The following OPCML variants were observed in gnomAD, a reference collection of about 807,000 sequenced individuals.
OPCML encodes opioid binding protein/cell adhesion molecule like.
Under a neutral mutation model 37.8 loss-of-function variants are expected in OPCML, and 13 were observed. The observed-to-expected ratio is 0.34, with a 90% CI of 0.22 to 0.55. The LOEUF is 0.55. OPCML is among the 20% of genes least tolerant of loss of function. The probability of loss-of-function intolerance (pLI) is 0.91; values close to 1 mark genes in which losing one functional copy is unlikely to be tolerated. For synonymous variants in OPCML, 176 were observed against 168.8 expected (o/e 1.04, Z -0.33); for missense variants, 341 against 435.6 (o/e 0.78, Z 1.93).
intron 1 of OPCML, among the ~76,000 whole-genome samples, chr11:133,155,614 G>A (rs536373885): frequency 1.1e-4 from 17 of 152,138 alleles, no homozygotes; most frequent in African/African-American, 3.4e-4. Context: ...TAACTATGCC[G>A]AGCAGGCTAC....
At chr11:132,848,791 T>C (rs1467286767) in intron 2 of OPCML, among the ~76,000 whole-genome samples, 1 of 152,220 alleles carries the variant, frequency 6.6e-6, no homozygotes, top group East Asian at 1.9e-4. Flanking sequence ...AGCAAATCAC[T>C]TTACTTCTCT....
At chr11:132,753,951 A>G (rs1945938186) in intron 2 of OPCML, among the ~76,000 whole-genome samples, 1 of 152,224 alleles carries the variant, frequency 6.6e-6, no homozygotes, top group Admixed American at 6.5e-5. Context: ...GCAAAGAAAG[A>G]GGCATGTTAA....
chr11:133,012,082 C>T lies in OPCML; in HGVS notation c.62-69072G>A, dbSNP rs140639110. Reference sequence around the variant, plus strand: ...TGGTTCTCTACTGGGGACAATTTTACTTAACAGGGGACATTGGGCAATGCC... The same window carrying T: ...TGGTTCTCTACTGGGGACAATTTTATTTAACAGGGGACATTGGGCAATGCC... On this transcript the variant is annotated intron_variant, in intron 1 of 7. Transcript: ENST00000524381. Among the ~76,000 whole-genome samples the T allele has an allele frequency of 3.5e-3, 539 of 152,260 alleles. 3 individuals carry two copies. Among genetic ancestry groups the T allele is most frequent in the African/African-American group, 0.012 (500 of 41,546 alleles).
At chr11:133,400,739 C>A (rs754151808) in intron 1 of OPCML, among the ~76,000 whole-genome samples, 2 of 152,212 alleles carry the variant, frequency 1.3e-5, no homozygotes, top group Non-Finnish European at 2.9e-5. Flanking sequence ...CTGTTCAATG[C>A]TCTTCCTCTT....
At chr11:133,421,040 T>C in intron 1 of OPCML, 1 of 981,580 alleles carries the variant, frequency 1.0e-6, no homozygotes, top group Non-Finnish European at 1.2e-6. Flanking sequence ...GGGTGTAGAT[T>C]TTGTCCTGAG....
chr11:133,142,623 A>G (rs904218845), intron 1 of OPCML, among the ~76,000 whole-genome samples: 3 of 152,208 alleles, frequency 2.0e-5, no homozygotes, highest in Non-Finnish European at 4.4e-5. Flanking sequence ...CTGGCAGTAC[A>G]TAGCACACAG....
Position 133,089,859 on chromosome 11 carries a change from T to A in OPCML, c.62-146849A>T, listed in dbSNP as rs188315416. Reference sequence around the variant, plus strand: ...CACTCAAAATCTGCTGTCAATGATTTAATAAACAGATGCTTATTGAGCACA... The same window carrying A: ...CACTCAAAATCTGCTGTCAATGATTAAATAAACAGATGCTTATTGAGCACA... On this transcript the variant is annotated intron_variant, in intron 1 of 7. Coordinates refer to ENST00000524381, the MANE Select transcript of OPCML (RefSeq NM_001012393.5). Among the ~76,000 whole-genome samples the A allele has an allele frequency of 3.2e-3, 485 of 152,332 alleles. 1 individual carries two copies. Among genetic ancestry groups the A allele is most frequent in the South Asian group, 6.6e-3 (32 of 4,826 alleles).
At chr11:132,685,479 C>T (rs1339823409) in intron 2 of OPCML, among the ~76,000 whole-genome samples, 1 of 152,128 alleles carries the variant, frequency 6.6e-6, no homozygotes, top group Non-Finnish European at 1.5e-5. Flanking sequence ...TCTGGAGCCA[C>T]CACTTCCTGT....
chr11:132,713,449 TA>T (rs1275384768), intron 2 of OPCML, among the ~76,000 whole-genome samples: 2 of 152,238 alleles, frequency 1.3e-5, no homozygotes, highest in African/African-American at 4.8e-5. Context: ...TCTGTCATTA[TA>T]AATAGAAGCC....
At position 133,451,347 on chromosome 11, in the gene OPCML, T is replaced by G. The variant is rs546253217; in HGVS notation, c.61+80917A>C. Among the ~76,000 whole-genome samples the G allele has an allele frequency of 2.0e-5, 3 of 151,840 alleles. No individual in the cohort carries two copies. In the East Asian group the frequency reaches 5.8e-4, roughly 29 times the overall value. ...GGAAATGGGATGATGCTGGGTAAGTTTTCAATATTTCATGGACTTTTGCCT... is the reference window on the plus strand; with the variant it reads ...GGAAATGGGATGATGCTGGGTAAGTGTTCAATATTTCATGGACTTTTGCCT... On this transcript the variant is annotated intron_variant, in intron 1 of 7. Coordinates refer to ENST00000524381, the MANE Select transcript of OPCML (RefSeq NM_001012393.5).
At chr11:133,146,312 CTTT>C (rs869237328) in intron 1 of OPCML, among the ~76,000 whole-genome samples, 13 of 128,734 alleles carry the variant, frequency 1.0e-4, no homozygotes, top group African/African-American at 2.8e-4. Context: ...TCCATCTTTT[CTTT>C]TTTTTTTTTT....
chr11:132,498,838 G>A (rs1330757600), intron 4 of OPCML, among the ~76,000 whole-genome samples: 2 of 152,130 alleles, frequency 1.3e-5, no homozygotes, highest in African/African-American at 2.4e-5. Flanking sequence ...TATTGAAATG[G>A]GACACTGTAG....
chr11:132,815,836 T>C (rs1270130246), intron 2 of OPCML, among the ~76,000 whole-genome samples: 3 of 152,206 alleles, frequency 2.0e-5, no homozygotes, highest in Non-Finnish European at 2.9e-5. Flanking sequence ...AGATACTGGA[T>C]GGCATGAAAT....
intron 2 of OPCML, among the ~76,000 whole-genome samples, chr11:132,714,481 C>G (rs115306346): frequency 6.6e-6 from 1 of 152,148 alleles, no homozygotes; most frequent in African/African-American, 2.4e-5. Flanking sequence ...AATTCAAGGA[C>G]GGAGTGAGGA....
chr11:133,350,639 A>C lies in OPCML; in HGVS notation c.61+181625T>G, dbSNP rs548620904. On this transcript the variant is annotated intron_variant, in intron 1 of 7. Transcript: ENST00000524381. ...AACTATTGTTTTTACATGAAATAGC[A>C]CATACTCTCTATATAGTGTGTGGCC... Among the ~76,000 whole-genome samples the C allele has an allele frequency of 5.8e-4, 89 of 152,336 alleles. 1 individual carries two copies. Among genetic ancestry groups the C allele is most frequent in the African/African-American group, 2.0e-3 (84 of 41,584 alleles).
In OPCML at chr11:132,497,878, C is replaced by CT. The variant is rs1377049936; in HGVS notation, c.505+31182dup. 2.0e-5 allele frequency among the ~76,000 whole-genome samples: 3 copies of CT among 152,088 alleles called. No individual in the cohort carries two copies. In the East Asian group the frequency reaches 5.8e-4, roughly 29 times the overall value. Reference sequence around the variant, plus strand: ...TGAAAATGGGAGGCTACACTCTGTACTTTTTTAAATTTTTTTAAAAAACAC... The same window carrying CT: ...TGAAAATGGGAGGCTACACTCTGTACTTTTTTTAAATTTTTTTAAAAAACAC... On this transcript the variant is annotated intron_variant, in intron 4 of 7. Transcript: ENST00000524381.
At chr11:133,099,924 G>T (rs1264709998) in intron 1 of OPCML, among the ~76,000 whole-genome samples, 1 of 152,054 alleles carries the variant, frequency 6.6e-6, no homozygotes, top group Non-Finnish European at 1.5e-5. Flanking sequence ...AGCTTAATTA[G>T]GTCCATCAAT....
In OPCML at chr11:133,211,683, G is replaced by A. The variant is rs1031873349; in HGVS notation, c.62-268673C>T. Among the ~76,000 whole-genome samples the A allele has an allele frequency of 3.3e-5, 5 of 152,202 alleles. No homozygotes were observed. The highest frequency in any genetic ancestry group is 7.3e-5 in the Non-Finnish European group (5 of 68,042). ...ACCATGAGGCATCTGGGGCCAGGGA[G>A]TCATCTGGCTTTGTGGCAACACAGA... On this transcript the variant is annotated intron_variant, in intron 1 of 7. Coordinates refer to ENST00000524381, the MANE Select transcript of OPCML (RefSeq NM_001012393.5). The surrounding 1 kb of genome is among the most constrained non-coding windows in gnomAD (Gnocchi z 4.1).
chr11:133,152,572 C>CG (rs1040785165), intron 1 of OPCML, among the ~76,000 whole-genome samples: 15 of 151,046 alleles, frequency 9.9e-5, no homozygotes, highest in African/African-American at 3.7e-4. Context: ...CCTCCTGATC[C>CG]CCCCCCAACC....
Sources: gnomAD v4.1 joint callset for allele counts (sites outside exome capture counted in the v4.1 genomes callset) on GRCh38, gnomAD v4.1.1 for gene constraint, Gnocchi (gnomAD v3.1) non-coding constraint, MANE v1.5 for transcripts, NCBI Gene and HGNC (gene_info 2026-07-23, HGNC 2026-07-21) for gene names.